The following CACNA2D1 variants were observed in gnomAD, a reference collection of about 807,000 sequenced individuals.
CACNA2D1 encodes the protein voltage-dependent calcium channel subunit alpha-2/delta-1.
CACNA2D1 carries 53 observed loss-of-function variants against 171.5 expected under a neutral mutation model. That is an observed-to-expected ratio of 0.31 (90% CI 0.25 to 0.39). The LOEUF is 0.39. Among genes scored for constraint, CACNA2D1 ranks in the 10% least tolerant of loss-of-function variants. The pLI is 1.00. For missense variants in CACNA2D1, 903 were observed against 1,299.8 expected (o/e 0.69, Z 4.69); for synonymous variants, 442 against 443.1 (o/e 1.00, Z 0.03).
chr7:82,009,628 T>C (rs1799524262), intron 15 of CACNA2D1, among the ~76,000 whole-genome samples: 1 of 152,256 alleles, frequency 6.6e-6, no homozygotes, highest in Admixed American at 6.6e-5. Context: ...TTTGCATTTA[T>C]ACTGCATACC....
chr7:82,080,151 C>CTATGTATATGTATATA (rs1563014305), intron 7 of CACNA2D1, among the ~76,000 whole-genome samples: 4 of 7,656 alleles, frequency 5.2e-4, no homozygotes, highest in African/African-American at 3.0e-3. Context: ...ACCTATATAC[C>CTATGTATATGTATATA]TATATATGTA....
intron 4 of CACNA2D1, among the ~76,000 whole-genome samples, chr7:82,144,589 C>A (rs1175249167): frequency 6.6e-6 from 1 of 151,608 alleles, no homozygotes; most frequent in East Asian, 1.9e-4. Context: ...TTAAAAAAAA[C>A]ATCAAAGAAG....
chr7:82,023,390 C>A (rs1318953675), intron 12 of CACNA2D1, among the ~76,000 whole-genome samples: 1 of 151,794 alleles, frequency 6.6e-6, no homozygotes, highest in Non-Finnish European at 1.5e-5. Context: ...ATTCTCAAAC[C>A]TTTTGGCCTC....
intron 6 of CACNA2D1, 99 bp from the exon 7 acceptor site, chr7:82,084,999 T>C (rs1810277537): frequency 2.8e-6 from 3 of 1,063,194 alleles, no homozygotes; most frequent in South Asian, 2.7e-5. Flanking sequence ...TGTTCATTGT[T>C]CTACCTATAA....
At chr7:82,391,209 GA>G (rs974152228) in intron 1 of CACNA2D1, among the ~76,000 whole-genome samples, 2 of 151,734 alleles carry the variant, frequency 1.3e-5, no homozygotes, top group African/African-American at 2.4e-5. Context: ...ACCAAGGTGG[GA>G]AAAAAAAGCA....
chr7:82,253,184 GAGAAACCATTA>G (rs1805875653), intron 3 of CACNA2D1, among the ~76,000 whole-genome samples: 1 of 152,178 alleles, frequency 6.6e-6, no homozygotes, highest in African/African-American at 2.4e-5. Context: ...CAAAGAGAAT[GAGAAACCATTA>G]CAGAATTTGG....
At chr7:82,152,403 G>A in intron 4 of CACNA2D1, among the ~76,000 whole-genome samples, 1 of 151,656 alleles carries the variant, frequency 6.6e-6, no homozygotes, top group Non-Finnish European at 1.5e-5. Flanking sequence ...AGGTTTATCA[G>A]GAAAAATACA....
intron 6 of CACNA2D1, among the ~76,000 whole-genome samples, chr7:82,088,571 T>C (rs1810756793): frequency 6.6e-6 from 1 of 152,124 alleles, no homozygotes; most frequent in African/African-American, 2.4e-5. Flanking sequence ...AAAGATTTTA[T>C]TTAATTGTGG....
intron 13 of CACNA2D1, among the ~76,000 whole-genome samples, chr7:82,014,172 T>G (rs1415011874): frequency 1.3e-5 from 2 of 152,144 alleles, no homozygotes; most frequent in African/African-American, 4.8e-5. Flanking sequence ...GTGTAATACA[T>G]TATTTTATGA....
chr7:82,035,246 GATTA>G (rs1450768117), intron 11 of CACNA2D1, among the ~76,000 whole-genome samples: 3 of 151,684 alleles, frequency 2.0e-5, no homozygotes, highest in African/African-American at 7.3e-5. Context: ...GGTACCTGAA[GATTA>G]ATTCAAATCT....
At position 82,385,222 on chromosome 7, in the gene CACNA2D1, C is replaced by T. The variant is rs142425502; in HGVS notation, c.96-35573G>A. On this transcript the variant is annotated intron_variant, in intron 1 of 38. Coordinates refer to ENST00000356860, the MANE Select transcript of CACNA2D1 (RefSeq NM_000722.4). ...CCTGCTACTGGCCATCCAAAGAGGC[C>T]GGAATCTTCACTCCCACTGCTGGAA... Among the ~76,000 whole-genome samples, 642 of 152,264 alleles carry T rather than the reference C, an allele frequency of 4.2e-3. 4 individuals carry two copies. The highest frequency in any genetic ancestry group is 0.015 in the African/African-American group (616 of 41,548).
chr7:82,374,596 A>C (rs1028332878), intron 1 of CACNA2D1, among the ~76,000 whole-genome samples: 1 of 152,192 alleles, frequency 6.6e-6, no homozygotes, highest in African/African-American at 2.4e-5. Flanking sequence ...AAGATCAATT[A>C]AATAAATGGA....
chr7:82,014,282 T>A (rs530165730), intron 13 of CACNA2D1, 119 bp downstream of exon 13: 4 of 672,910 alleles, frequency 5.9e-6, no homozygotes, highest in Non-Finnish European at 1.1e-5. Context: ...AGAATCTTAC[T>A]CTTGTCTGAT....
intron 10 of CACNA2D1, among the ~76,000 whole-genome samples, chr7:82,039,402 T>C (rs1017663190): frequency 2.0e-5 from 3 of 152,210 alleles, no homozygotes; most frequent in African/African-American, 7.2e-5. Context: ...CATAATTATC[T>C]GCACACACAA....
chr7:82,371,736 G>A (rs1489629793), intron 1 of CACNA2D1, among the ~76,000 whole-genome samples: 4 of 151,998 alleles, frequency 2.6e-5, no homozygotes, highest in Admixed American at 1.3e-4. Context: ...CACCATCCCC[G>A]GCTATTTTTT....
At chr7:82,294,707 GA>G (rs1441875045) in intron 3 of CACNA2D1, among the ~76,000 whole-genome samples, 1 of 152,020 alleles carries the variant, frequency 6.6e-6, no homozygotes, top group African/African-American at 2.4e-5. Flanking sequence ...TTATATATCT[GA>G]AGCCCAACCA....
chr7:82,332,307 C>T (rs1474612095), intron 3 of CACNA2D1, among the ~76,000 whole-genome samples: 2 of 152,038 alleles, frequency 1.3e-5, no homozygotes, highest in African/African-American at 4.8e-5. Context: ...GCTCCCACCT[C>T]GGCCTCCCAA....
intron 5 of CACNA2D1, among the ~76,000 whole-genome samples, chr7:82,134,945 T>G (rs959913873): frequency 6.6e-6 from 1 of 152,088 alleles, no homozygotes; most frequent in Non-Finnish European, 1.5e-5. Context: ...AAAGTCATAT[T>G]GACAATTTAC....
At chr7:82,329,258 T>A (rs1817003260) in intron 3 of CACNA2D1, among the ~76,000 whole-genome samples, 1 of 152,200 alleles carries the variant, frequency 6.6e-6, no homozygotes, top group African/African-American at 2.4e-5. Context: ...ATAAGCTCAA[T>A]ATCAAGGTTG....
Sources: allele counts gnomAD v4.1 joint callset (sites outside exome capture counted in the v4.1 genomes callset), GRCh38; gene constraint gnomAD v4.1.1; transcripts MANE v1.5; gene names NCBI Gene and HGNC (gene_info 2026-07-23, HGNC 2026-07-21).